The following LZTFL1 variants were observed in gnomAD, a reference collection of about 807,000 sequenced individuals.
LZTFL1 encodes the protein leucine zipper transcription factor like 1.
Under a neutral mutation model 45.9 loss-of-function variants are expected in LZTFL1, and 25 were observed. That is an observed-to-expected ratio of 0.54 (90% CI 0.40 to 0.76). The LOEUF is 0.76. Among genes scored for constraint, LZTFL1 ranks in the 30% least tolerant of loss-of-function variants. The pLI is 0.00. For missense variants in LZTFL1, 277 were observed against 331.1 expected (o/e 0.84, Z 1.27); for synonymous variants, 93 against 117.4 (o/e 0.79, Z 1.35).
chr3:45,880,523 G>A lies in LZTFL1; in HGVS notation c.-214-21507C>T, dbSNP rs117150570. 7.4e-4 allele frequency among the ~76,000 whole-genome samples: 113 copies of A among 152,106 alleles called. No homozygotes were observed. The East Asian group carries it at 0.02, about 26-fold the overall frequency. ...TCTCAAAAAAAAAGGAAATCGGATCGTGTTATCACCTATATAAGTCCTTTG... is the reference window on the plus strand; with the variant it reads ...TCTCAAAAAAAAAGGAAATCGGATCATGTTATCACCTATATAAGTCCTTTG... On this transcript the variant is annotated intron_variant, in intron 2 of 4. Coordinates refer to the LZTFL1 transcript ENST00000472635.
chr3:45,883,299 A>G (rs6441929), intron 2 of LZTFL1, among the ~76,000 whole-genome samples: 31,035 of 152,178 alleles, frequency 0.2, 3,492 homozygotes, highest in African/African-American at 0.29. Flanking sequence ...ATCATGTAGT[A>G]ATAGTAATAA....
chr3:45,873,058 T>C (rs1251225075), intron 2 of LZTFL1, among the ~76,000 whole-genome samples: 2 of 152,142 alleles, frequency 1.3e-5, no homozygotes, highest in African/African-American at 4.8e-5. Flanking sequence ...AACTAACAAA[T>C]ACCATGACCA....
intron 1 of LZTFL1, among the ~76,000 whole-genome samples, chr3:45,913,713 AT>A (rs562530986): frequency 2.7e-3 from 417 of 152,124 alleles, no homozygotes; most frequent in Non-Finnish European, 4.9e-3. Flanking sequence ...TAAAGATGCC[AT>A]TTTTTCCCCC....
At chr3:45,838,304 G>A (rs925884441) in intron 1 of LZTFL1, among the ~76,000 whole-genome samples, 2 of 152,102 alleles carry the variant, frequency 1.3e-5, no homozygotes, top group Non-Finnish European at 2.9e-5. Flanking sequence ...TAAGATATGG[G>A]GTGTACCTCT....
At chr3:45,831,796 C>T (rs528223827) in intron 5 of LZTFL1, among the ~76,000 whole-genome samples, 3 of 152,254 alleles carry the variant, frequency 2.0e-5, no homozygotes, top group East Asian at 3.9e-4. Flanking sequence ...AGCTTAGGTA[C>T]CCCTTTACCC....
chr3:45,884,268 C>A (rs1348095477), intron 2 of LZTFL1, among the ~76,000 whole-genome samples: 1 of 152,154 alleles, frequency 6.6e-6, no homozygotes, highest in Non-Finnish European at 1.5e-5. Flanking sequence ...AGAAACACAG[C>A]AAAGAAAACA....
rs1290895512 is a variant in LZTFL1 at position 45,901,267 on chromosome 3, A to C, written c.-215+11853T>G. The C allele has an allele frequency of 5.0e-6, 8 of 1,614,220 alleles. No individual in the cohort carries two copies. The East Asian group carries it at 1.8e-4, about 36-fold the overall frequency. On this transcript the variant is annotated intron_variant, in intron 2 of 4. Transcript: ENST00000472635. The surrounding 1 kb of genome is among the most constrained non-coding windows in gnomAD (Gnocchi z 4.3). ...ATGAGAGCACATACTTGGAGGGAGA[A>C]AAGGCTTTTGTACAGCAAAATGGTT...
intron 2 of LZTFL1, among the ~76,000 whole-genome samples, chr3:45,879,681 T>G (rs548888659): frequency 6.6e-6 from 1 of 152,256 alleles, no homozygotes; most frequent in African/African-American, 2.4e-5. Context: ...TGAGTGTAGA[T>G]GAACTGATTA....
chr3:45,876,988 C>T (rs73064433), intron 2 of LZTFL1, among the ~76,000 whole-genome samples: 8 of 152,072 alleles, frequency 5.3e-5, no homozygotes, highest in Non-Finnish European at 7.4e-5. Context: ...GGATGGAAGC[C>T]GAGACAACAG....
intron 2 of LZTFL1, among the ~76,000 whole-genome samples, chr3:45,898,533 G>C (rs986493471): frequency 6.6e-6 from 1 of 152,180 alleles, no homozygotes; most frequent in Non-Finnish European, 1.5e-5. Context: ...CTGAAGAGCC[G>C]CCTCCAGGAT....
In LZTFL1 at chr3:45,901,497, A is replaced by G; in HGVS notation, c.-215+11623T>C. On this transcript the variant is annotated intron_variant, in intron 2 of 4. Transcript: ENST00000472635. The surrounding 1 kb of genome is among the most constrained non-coding windows in gnomAD (Gnocchi z 4.3). ...GGTCATGGCTTGCTGCTATACCATC[A>G]TCATTCACACCCTGATACAAGCCAA... 6.2e-7 allele frequency: 1 copy of G among 1,614,120 alleles called. No individual in the cohort carries two copies. The highest frequency in any genetic ancestry group is 8.5e-7 in the Non-Finnish European group (1 of 1,180,002).
At chr3:45,865,308 AG>A (rs1205287792) in intron 2 of LZTFL1, among the ~76,000 whole-genome samples, 9 of 152,250 alleles carry the variant, frequency 5.9e-5, no homozygotes, top group African/African-American at 1.9e-4. Flanking sequence ...TGCTTATTGA[AG>A]TAGGATACTC....
At chr3:45,894,923 A>T (rs1379665939) in intron 2 of LZTFL1, 1 of 1,613,838 alleles carries the variant, frequency 6.2e-7, no homozygotes, top group Non-Finnish European at 8.5e-7. Flanking sequence ...CTTGCATCTG[A>T]CTGACCCACC....
Position 45,901,946 on chromosome 3 carries a change from C to T in LZTFL1, c.-215+11174G>A. ...GTTCTTTTGGAAGAAATGAGAAATA[C>T]AGAAACAGTTTCCCCACTGATGGGA... On this transcript the variant is annotated intron_variant, in intron 2 of 4. Coordinates refer to the LZTFL1 transcript ENST00000472635. This position sits in a 1 kb window ranked among gnomAD's most constrained non-coding sequence, Gnocchi z 4.3. 2 of 1,478,298 alleles carry T rather than the reference C, an allele frequency of 1.4e-6. No individual in the cohort carries two copies. Among genetic ancestry groups the T allele is most frequent in the Non-Finnish European group, 1.8e-6 (2 of 1,096,570 alleles). The allele number at this position is 1,478,298 out of a possible 1,614,324, so 91.6% of individuals were successfully genotyped here. A position where few individuals can be genotyped will look rare whatever the true frequency, so the allele number is the denominator to read the frequency against.
At chr3:45,833,971 G>A (rs1700900376) in intron 4 of LZTFL1, among the ~76,000 whole-genome samples, 1 of 152,198 alleles carries the variant, frequency 6.6e-6, no homozygotes, top group Non-Finnish European at 1.5e-5. Context: ...TGAATCTTCT[G>A]AGTAGAGTAT....
rs1258411808 is a variant in LZTFL1 at position 45,842,037 on chromosome 3, C to A, written c.-46G>T. On this transcript the variant is annotated 5_prime_UTR_variant, in exon 1 of 10. Transcript: ENST00000296135. ...GCCTAAAGGAACGGGAGAGGCCAGGCGGTGCCCCGCCAAGCCTGGGATCGC... is the reference window on the plus strand; with the variant it reads ...GCCTAAAGGAACGGGAGAGGCCAGGAGGTGCCCCGCCAAGCCTGGGATCGC... 2 of 1,600,658 alleles carry A rather than the reference C, an allele frequency of 1.2e-6. No individual in the cohort carries two copies. Among genetic ancestry groups the A allele is most frequent in the Non-Finnish European group, 8.5e-7 (1 of 1,176,024 alleles).
rs1272114118 is a variant in LZTFL1 at position 45,900,838 on chromosome 3, A to G, written c.-215+12282T>C. The G allele has an allele frequency of 3.1e-6, 5 of 1,613,694 alleles. No individual in the cohort carries two copies. In the South Asian group the frequency reaches 4.4e-5, roughly 14 times the overall value. On this transcript the variant is annotated intron_variant, in intron 2 of 4. Coordinates refer to the LZTFL1 transcript ENST00000472635. The surrounding 1 kb of genome is among the most constrained non-coding windows in gnomAD (Gnocchi z 4.7). ...CCTATTCCTAACATGGCTGATGACT[A>G]TGGCTCTGAATCCACATCTTCCATG...
chr3:45,873,325 A>G (rs1249785943), intron 2 of LZTFL1, among the ~76,000 whole-genome samples: 2 of 152,200 alleles, frequency 1.3e-5, no homozygotes, highest in Non-Finnish European at 2.9e-5. Context: ...GTTTTAAATA[A>G]TTCTTTTAGC....
At chr3:45,911,573 C>T (rs958903202) in intron 2 of LZTFL1, among the ~76,000 whole-genome samples, 1 of 152,216 alleles carries the variant, frequency 6.6e-6, no homozygotes, top group Non-Finnish European at 1.5e-5. Context: ...CACTGATGTT[C>T]CAGTGGTCAG....
Sources: allele counts gnomAD v4.1 joint callset (sites outside exome capture counted in the v4.1 genomes callset), GRCh38; gene constraint gnomAD v4.1.1; non-coding constraint Gnocchi (gnomAD v3.1); transcripts MANE v1.5; gene names NCBI Gene and HGNC (gene_info 2026-07-23, HGNC 2026-07-21).